The following MPND variants were observed in gnomAD, a reference collection of about 807,000 sequenced individuals.
MPND encodes the protein MPN domain-containing protein.
In MPND, 56 loss-of-function variants were observed where a neutral mutation model predicts 59.2. The ratio of observed to expected loss-of-function variants is 0.95; its 90% confidence interval spans 0.76 to 1.18. The LOEUF (loss-of-function observed/expected upper bound fraction) is 1.18, where lower values mean the gene tolerates loss of function less well. Ranked by LOEUF, MPND falls within the 50% of genes most tolerant of loss-of-function variation. The pLI, the probability that MPND is intolerant of heterozygous loss-of-function variation, is 0.00. For synonymous variants in MPND, 323 were observed against 291.9 expected (o/e 1.11, Z -1.09); for missense variants, 671 against 676.0 (o/e 0.99, Z 0.08).
chr19:4,353,561 C>T (rs973482924), intron 4 of MPND, among the ~76,000 whole-genome samples: 2 of 133,192 alleles, frequency 1.5e-5, no homozygotes, highest in African/African-American at 5.6e-5. Context: ...AGCCACTGTA[C>T]CTGTTTTTTT....
At chr19:4,343,664 G>A (rs1972118387) in intron 1 of MPND, 44 bp from the exon 2 acceptor site, 3 of 1,200,120 alleles carry the variant, frequency 2.5e-6, no homozygotes, top group Non-Finnish European at 2.1e-6. Context: ...GGGCTGCAGA[G>A]CCGTGGGGCG....
At position 4,359,196 on chromosome 19, in the gene MPND, G is replaced by A. The variant is rs759888165; in HGVS notation, c.1360G>A (p.Asp454Asn). The A allele has an allele frequency of 3.1e-6, 5 of 1,613,356 alleles. No individual in the cohort carries two copies. The highest frequency in any genetic ancestry group is 2.2e-5 in the East Asian group (1 of 44,822). ...LLVEFYKGSP[D>N]LVRLQEPWSQ... ...GGTGGAGTTCTACAAGGGTTCCCCT[G>A]ACCTCGTGAGGCTCCAGGAACCCTG... The change falls in exon 12 of 13, where the codon GAC becomes AAC. Residue 454 changes from aspartate (D) to asparagine (N), a missense_variant. Asp to Asn is a conservative substitution (Grantham distance 23). Coordinates refer to ENST00000599840, the MANE Select transcript of MPND (RefSeq NM_001300862.2).
rs767138234 is a variant in MPND, at chr19:4,357,600, TG to T, written c.1236+18del. ...CTCCTCCCGAGGTAGGTGGGGCTGT[TG>T]GGAGAGCCTGGGGGGCCCGGGAGCA... On this transcript the variant is annotated intron_variant, in intron 10 of 12. Transcript: ENST00000599840. 53 of 1,599,374 alleles carry T rather than the reference TG, an allele frequency of 3.3e-5. No individual in the cohort carries two copies. The highest frequency in any genetic ancestry group is 4.3e-5 in the Non-Finnish European group (51 of 1,172,870).
intron 10 of MPND, chr19:4,357,812 C>T: frequency 1.6e-6 from 1 of 609,782 alleles, no homozygotes; most frequent in South Asian, 2.0e-5. Flanking sequence ...GGCTCCCTTC[C>T]TGACCCTGCC....
chr19:4,350,203 C>G (rs1972284774), intron 3 of MPND, among the ~76,000 whole-genome samples: 1 of 151,918 alleles, frequency 6.6e-6, no homozygotes, highest in African/African-American at 2.4e-5. Flanking sequence ...CACGACCGTG[C>G]CTGGTGTGTT....
chr19:4,354,405 C>CGT lies in MPND; in HGVS notation c.833_834dup (p.Leu279CysfsTer11), dbSNP rs943423530. Reference sequence around the variant, plus strand: ...CGTTCAACGTGGCTGTTTCTAGCAACGTGCTGTTCCTGCTGGTGTGTGGCC... The same window carrying CGT: ...CGTTCAACGTGGCTGTTTCTAGCAACGTGTGCTGTTCCTGCTGGTGTGTGGCC... On this transcript the variant is annotated frameshift_variant, in exon 6 of 13. Transcript: ENST00000599840. LOFTEE classifies it high-confidence loss of function. 1 of 1,557,536 alleles carries CGT rather than the reference C, an allele frequency of 6.4e-7. No homozygotes were observed. The highest frequency in any genetic ancestry group is 1.9e-5 in the Admixed American group (1 of 51,814).
Position 4,343,995 on chromosome 19 carries a change from G to A in MPND, c.294+1G>A. 7.5e-7 allele frequency: 1 copy of A among 1,328,528 alleles called. No homozygotes were observed. Among genetic ancestry groups the A allele is most frequent in the South Asian group, 2.0e-5 (1 of 50,172 alleles). 82.3% of individuals were successfully genotyped at this position (1,328,528 alleles called of 1,614,324 possible). ...CGGGGTGCTGTCCATCTACTACCTG[G>A]TGAGCACCCCGCCTCCCTCGTCCCA... is the stretch of plus-strand genomic sequence containing the variant. On this transcript the variant is annotated splice_donor_variant, in intron 2 of 12. Coordinates refer to ENST00000599840, the MANE Select transcript of MPND (RefSeq NM_001300862.2). LOFTEE classifies it high-confidence loss of function.
intron 3 of MPND, 51 bp from the exon 4 acceptor site, chr19:4,352,846 G>GT: frequency 7.6e-7 from 1 of 1,312,940 alleles, no homozygotes; most frequent in Non-Finnish European, 9.8e-7. Flanking sequence ...GGGAGCGGGG[G>GT]GGCACCCAGC....
chr19:4,354,301 T>C, intron 5 of MPND, 23 bp from the exon 6 acceptor site: 2 of 1,548,678 alleles, frequency 1.3e-6, no homozygotes, highest in East Asian at 2.4e-5. Context: ...CCTGAGACTG[T>C]GCGACCCTCC....
chr19:4,358,279 C>A (rs892656999), intron 11 of MPND, 107 bp downstream of exon 11: 1 of 991,284 alleles, frequency 1.0e-6, no homozygotes, highest in South Asian at 1.5e-5. Flanking sequence ...TGGCTGGTGG[C>A]GCCTTGGGGG....
Position 4,352,769 on chromosome 19 carries a change from C to T in MPND, c.532-128C>T, listed in dbSNP as rs779131987. The T allele has an allele frequency of 1.0e-5, 9 of 899,680 alleles. No individual in the cohort carries two copies. In the East Asian group the frequency reaches 1.9e-4, roughly 19 times the overall value. 55.7% of individuals were successfully genotyped at this position (899,680 alleles called of 1,614,324 possible). ...TAAGGCCTTCTCTGCTCCCTCCCTC[C>T]CTCTAGTGGTCATGTGGGGCAATGG... On this transcript the variant is annotated intron_variant, in intron 3 of 12. Coordinates refer to ENST00000599840, the MANE Select transcript of MPND (RefSeq NM_001300862.2).
intron 3 of MPND, among the ~76,000 whole-genome samples, chr19:4,351,246 G>A (rs1023714516): frequency 3.3e-5 from 5 of 152,136 alleles, no homozygotes; most frequent in African/African-American, 1.2e-4. Flanking sequence ...TGGGATTGCA[G>A]GTGTTCGCCA....
intron 3 of MPND, among the ~76,000 whole-genome samples, chr19:4,350,211 G>A (rs1972284975): frequency 6.6e-6 from 1 of 152,158 alleles, no homozygotes; most frequent in Admixed American, 6.6e-5. Flanking sequence ...TGCCTGGTGT[G>A]TTGGAGGAAC....
intron 4 of MPND, chr19:4,353,833 A>C: frequency 2.0e-6 from 1 of 503,754 alleles, no homozygotes; most frequent in Non-Finnish European, 3.5e-6. Context: ...AGTGAAAAAA[A>C]ATTTCTTCTT....
intron 4 of MPND, among the ~76,000 whole-genome samples, chr19:4,353,564 G>GT (rs1259998827): frequency 2.9e-5 from 2 of 70,054 alleles, no homozygotes; most frequent in African/African-American, 1.1e-4. Context: ...CACTGTACCT[G>GT]TTTTTTTGTT....
At chr19:4,345,040 CTTTTTTTTT>C (rs773615575) in intron 2 of MPND, among the ~76,000 whole-genome samples, 4 of 66,438 alleles carry the variant, frequency 6.0e-5, no homozygotes, top group South Asian at 5.3e-4. Flanking sequence ...CATGCCCGGC[CTTTTTTTTT>C]TTTTTTTTTT....
At chr19:4,350,248 G>C (rs897512999) in intron 3 of MPND, among the ~76,000 whole-genome samples, 1 of 152,158 alleles carries the variant, frequency 6.6e-6, no homozygotes, top group African/African-American at 2.4e-5. Context: ...GGCTGGAGCC[G>C]AGTGAGTAAG....
rs1972379685 is a variant in MPND, at chr19:4,354,113, A to G, written c.733A>G (p.Ser245Gly). Residue 245 changes from serine (S) to glycine (G), a missense_variant, in exon 5 of 13, where the codon AGC (serine) becomes GGC (glycine). Transcript: ENST00000599840. ...TCCGGTCCGCTACTGCATGCTGGGC[A>G]GCCGCGACTTGGCCAGGTCAGACTC... ...RVPVRYCMLG[S>G]RDLARNPHTL... The G allele has an allele frequency of 1.9e-6, 3 of 1,612,232 alleles. No homozygotes were observed. Among genetic ancestry groups the G allele is most frequent in the Non-Finnish European group, 2.5e-6 (3 of 1,178,438 alleles).
chr19:4,345,022 T>G (rs1317710302), intron 2 of MPND, among the ~76,000 whole-genome samples: 2 of 139,528 alleles, frequency 1.4e-5, no homozygotes, highest in African/African-American at 5.4e-5. Context: ...ATTATAGGCG[T>G]GAGCCACCAT....
Sources: allele counts gnomAD v4.1 joint callset (sites outside exome capture counted in the v4.1 genomes callset), GRCh38; gene constraint gnomAD v4.1.1; transcripts MANE v1.5; gene names NCBI Gene and HGNC (gene_info 2026-07-23, HGNC 2026-07-21).